The following HS2ST1 variants were observed in gnomAD, a reference collection of about 807,000 sequenced individuals.
HS2ST1 encodes the protein heparan sulfate 2-O-sulfotransferase 1.
In HS2ST1, 18 loss-of-function variants were observed where a neutral mutation model predicts 42.9. That is an observed-to-expected ratio of 0.42 (90% CI 0.29 to 0.62). The LOEUF (loss-of-function observed/expected upper bound fraction) is 0.62, where lower values mean the gene tolerates loss of function less well. HS2ST1 is among the 20% of genes least tolerant of loss of function. HS2ST1 has a pLI of 0.21. For missense variants in HS2ST1, 334 were observed against 433.8 expected (o/e 0.77, Z 2.04); for synonymous variants, 146 against 152.9 (o/e 0.95, Z 0.33).
intron 1 of HS2ST1, chr1:87,046,493 G>A (rs933412420): frequency 8.1e-7 from 1 of 1,237,028 alleles, no homozygotes; most frequent in African/African-American, 1.5e-5. Flanking sequence ...TAAATCAACT[G>A]GATATAATCC....
intron 1 of HS2ST1, among the ~76,000 whole-genome samples, chr1:87,068,864 A>G (rs190868081): frequency 3.3e-5 from 5 of 151,856 alleles, no homozygotes; most frequent in African/African-American, 1.2e-4. Flanking sequence ...TTTATTTAAA[A>G]TTTTTTTTTA....
Position 87,083,639 on chromosome 1 carries a change from A to G in HS2ST1, c.364-555A>G, listed in dbSNP as rs575033235. Among the ~76,000 whole-genome samples the G allele has an allele frequency of 9.5e-4, 144 of 152,312 alleles. 1 individual carries two copies. The highest frequency in any genetic ancestry group is 3.2e-3 in the African/African-American group (132 of 41,572). ...TTTTAAATATTTTGACCTGTATTAC[A>G]TCTCTAATTTTATTAATCTTTTTAT... is the stretch of plus-strand genomic sequence containing the variant. On this transcript the variant is annotated intron_variant, in intron 2 of 6. Transcript: ENST00000370550.
chr1:87,065,582 C>T (rs963169744), intron 1 of HS2ST1, among the ~76,000 whole-genome samples: 1 of 152,158 alleles, frequency 6.6e-6, no homozygotes, highest in Non-Finnish European at 1.5e-5. Flanking sequence ...ACCCCCTTGC[C>T]TGTGGTTGGG....
chr1:87,045,211 C>A, intron 1 of HS2ST1: 3 of 969,878 alleles, frequency 3.1e-6, no homozygotes. Context: ...GGGGCATCAC[C>A]AACACTTCAA....
intron 1 of HS2ST1, among the ~76,000 whole-genome samples, chr1:87,051,805 A>C (rs376571590): frequency 3.3e-5 from 5 of 152,224 alleles, no homozygotes; most frequent in African/African-American, 7.2e-5. Flanking sequence ...TACACAAGAC[A>C]AATGCAAAGG....
chr1:87,048,478 G>A (rs1650746209), intron 1 of HS2ST1, among the ~76,000 whole-genome samples: 1 of 152,120 alleles, frequency 6.6e-6, no homozygotes, highest in Admixed American at 6.5e-5. Flanking sequence ...TGGTTTTAGG[G>A]TGAAAGTATC....
At chr1:87,031,122 G>A (rs892133161) in intron 1 of HS2ST1, among the ~76,000 whole-genome samples, 1 of 151,844 alleles carries the variant, frequency 6.6e-6, no homozygotes, top group African/African-American at 2.4e-5. Flanking sequence ...GTATTTTTTT[G>A]TGGTGACAGG....
chr1:86,917,727 G>T (rs934442490), intron 1 of HS2ST1, among the ~76,000 whole-genome samples: 2 of 152,118 alleles, frequency 1.3e-5, no homozygotes, highest in East Asian at 3.9e-4. Context: ...TGAGATTTAG[G>T]TATTTGAATA....
chr1:86,945,198 A>C (rs1443744854), intron 1 of HS2ST1, among the ~76,000 whole-genome samples: 1 of 152,194 alleles, frequency 6.6e-6, no homozygotes, highest in East Asian at 1.9e-4. Context: ...ATTCATGCAG[A>C]GAGGATGGCA....
chr1:86,943,854 C>G (rs1004630614), intron 1 of HS2ST1, among the ~76,000 whole-genome samples: 3 of 151,984 alleles, frequency 2.0e-5, no homozygotes. Context: ...GGTGAAACCC[C>G]ATCTCTACTA....
chr1:87,066,799 C>T (rs1651262333), intron 1 of HS2ST1, among the ~76,000 whole-genome samples: 1 of 152,082 alleles, frequency 6.6e-6, no homozygotes, highest in South Asian at 2.1e-4. Context: ...GTTCAGCTCC[C>T]ACTTATGAGT....
chr1:87,014,848 A>G (rs1649703935), intron 1 of HS2ST1, among the ~76,000 whole-genome samples: 1 of 152,214 alleles, frequency 6.6e-6, no homozygotes, highest in African/African-American at 2.4e-5. Flanking sequence ...CATTTATCTT[A>G]TCCTCCTCAC....
At chr1:86,985,360 A>AC in intron 1 of HS2ST1, among the ~76,000 whole-genome samples, 1 of 67,350 alleles carries the variant, frequency 1.5e-5, no homozygotes, top group African/African-American at 3.8e-5. Context: ...TCAAAAAAAA[A>AC]AAAAAAAGTA....
At chr1:86,943,858 T>G (rs1256134121) in intron 1 of HS2ST1, among the ~76,000 whole-genome samples, 1 of 152,100 alleles carries the variant, frequency 6.6e-6, no homozygotes, top group Middle Eastern at 3.2e-3. Context: ...AAACCCCATC[T>G]CTACTAAAAA....
chr1:87,072,675 C>T (rs999449825), intron 1 of HS2ST1, among the ~76,000 whole-genome samples: 1 of 152,048 alleles, frequency 6.6e-6, no homozygotes, highest in Non-Finnish European at 1.5e-5. Context: ...AAGCTTTGGT[C>T]CTCAAAACAT....
At chr1:86,955,017 G>A (rs193019246) in intron 1 of HS2ST1, among the ~76,000 whole-genome samples, 7 of 152,270 alleles carry the variant, frequency 4.6e-5, no homozygotes, top group East Asian at 3.9e-4. Flanking sequence ...CGAATCACTT[G>A]AACTGGGGAG....
At chr1:86,956,767 G>A (rs1285420666) in intron 1 of HS2ST1, among the ~76,000 whole-genome samples, 1 of 151,984 alleles carries the variant, frequency 6.6e-6, no homozygotes, top group Non-Finnish European at 1.5e-5. Flanking sequence ...TATGGTGCTC[G>A]ATGCATCTCT....
intron 1 of HS2ST1, among the ~76,000 whole-genome samples, chr1:87,017,239 C>G (rs565056886): frequency 6.6e-6 from 1 of 152,092 alleles, no homozygotes; most frequent in Non-Finnish European, 1.5e-5. Context: ...CAGGTTCAAG[C>G]GATTCTCCTG....
At chr1:86,964,214 C>G (rs1018608866) in intron 1 of HS2ST1, among the ~76,000 whole-genome samples, 3 of 152,066 alleles carry the variant, frequency 2.0e-5, no homozygotes, top group Admixed American at 2.0e-4. Flanking sequence ...GGCAAAGACA[C>G]TCCTCACTTC....
Sources: gnomAD v4.1 joint callset for allele counts (sites outside exome capture counted in the v4.1 genomes callset) on GRCh38, gnomAD v4.1.1 for gene constraint, MANE v1.5 for transcripts, NCBI Gene and HGNC (gene_info 2026-07-23, HGNC 2026-07-21) for gene names.